Variants in SNRK observed in about 807,000 individuals in gnomAD.
SNRK encodes SNF-related serine/threonine-protein kinase.
SNRK carries 3 observed loss-of-function variants against 48.2 expected under a neutral mutation model. The ratio of observed to expected loss-of-function variants is 0.06; its 90% CI spans 0.03 to 0.16. The LOEUF is 0.16. Among genes scored for constraint, SNRK ranks in the 10% least tolerant of loss-of-function variants. The pLI is 1.00. For synonymous variants in SNRK, 376 were observed against 366.1 expected (o/e 1.03, Z -0.31); for missense variants, 627 against 976.0 (o/e 0.64, Z 4.76).
intron 4 of SNRK, chr3:43,333,352 C>T (rs1195676064): frequency 2.1e-5 from 2 of 93,608 alleles, no homozygotes; most frequent in African/African-American, 4.3e-5. Context: ...GAGCGAGACT[C>T]TGTCTCAAAA....
chr3:43,298,652 G>A (rs1454970868), intron 1 of SNRK, among the ~76,000 whole-genome samples: 2 of 152,168 alleles, frequency 1.3e-5, no homozygotes, highest in African/African-American at 4.8e-5. Context: ...CTCACCATTA[G>A]TGTATAGTGT....
At chr3:43,302,970 T>C in intron 2 of SNRK, 128 bp from the exon 3 acceptor site, 2 of 420,510 alleles carry the variant, frequency 4.8e-6, no homozygotes, top group South Asian at 1.2e-4. Flanking sequence ...TGACCCTGAC[T>C]CATTTTTTAT....
At chr3:43,344,401 C>G (rs182327869) in intron 6 of SNRK, among the ~76,000 whole-genome samples, 147 of 152,274 alleles carry the variant, frequency 9.7e-4, no homozygotes, top group Non-Finnish European at 1.7e-3. Context: ...CTGAGTAAAT[C>G]TGTGTGTACC....
At chr3:43,321,705 C>T (rs186199473) in intron 3 of SNRK, among the ~76,000 whole-genome samples, 5 of 152,296 alleles carry the variant, frequency 3.3e-5, no homozygotes, top group African/African-American at 7.2e-5. Flanking sequence ...TTAAAAAACA[C>T]GGTGTGCGCC....
chr3:43,313,344 A>G (rs1007537001), intron 3 of SNRK, among the ~76,000 whole-genome samples: 2 of 152,226 alleles, frequency 1.3e-5, no homozygotes, highest in African/African-American at 4.8e-5. Flanking sequence ...TAATTGTTAT[A>G]CTGTGGTGTA....
chr3:43,318,036 C>A (rs901507655), intron 3 of SNRK, among the ~76,000 whole-genome samples: 1 of 152,174 alleles, frequency 6.6e-6, no homozygotes, highest in Non-Finnish European at 1.5e-5. Context: ...CTTTATGTTT[C>A]TATGGTGTTG....
intron 1 of SNRK, among the ~76,000 whole-genome samples, chr3:43,292,531 A>AGTAGGTATTCTTCAGAATCAGCT (rs1409346705): frequency 1.3e-5 from 2 of 152,242 alleles, no homozygotes; most frequent in Non-Finnish European, 2.9e-5. Context: ...ATGATGAGCC[A>AGTAGGTATTCTTCAGAATCAGCT]GTAGGTATTC....
At chr3:43,321,489 T>C (rs770906395) in intron 3 of SNRK, among the ~76,000 whole-genome samples, 2 of 152,152 alleles carry the variant, frequency 1.3e-5, no homozygotes, top group Admixed American at 6.5e-5. Context: ...CCTAAGTGCA[T>C]GTACAAAGCT....
intron 5 of SNRK, chr3:43,340,761 G>A: frequency 2.1e-6 from 1 of 467,752 alleles, no homozygotes; most frequent in South Asian, 2.5e-5. Context: ...TTCTATAGGG[G>A]TGGAATGAAA....
At chr3:43,336,400 T>C (rs2091189040) in intron 4 of SNRK, among the ~76,000 whole-genome samples, 3 of 152,100 alleles carry the variant, frequency 2.0e-5, no homozygotes, top group Admixed American at 6.6e-5. Context: ...AAATCATACA[T>C]AGCTCACTGC....
intron 4 of SNRK, among the ~76,000 whole-genome samples, chr3:43,337,833 A>G (rs191289817): frequency 1.3e-5 from 2 of 152,298 alleles, no homozygotes; most frequent in Admixed American, 1.3e-4. Flanking sequence ...AACTGCCCCC[A>G]TGATTCATTT....
chr3:43,296,576 TTCAACTCC>T (rs2090857611), intron 1 of SNRK, among the ~76,000 whole-genome samples: 1 of 152,034 alleles, frequency 6.6e-6, no homozygotes, highest in South Asian at 2.1e-4. Context: ...GCCCTTTTTG[TTCAACTCC>T]TCTACTTTCT....
chr3:43,325,841 A>G (rs2091093089), intron 3 of SNRK, among the ~76,000 whole-genome samples: 1 of 151,810 alleles, frequency 6.6e-6, no homozygotes, highest in Non-Finnish European at 1.5e-5. Context: ...CCATATTGAA[A>G]CTCAGCTAAG....
At chr3:43,343,310 T>C (rs1244345327) in intron 5 of SNRK, 34 bp from the exon 6 acceptor site, 6 of 1,559,520 alleles carry the variant, frequency 3.8e-6, no homozygotes, top group East Asian at 2.3e-5. Context: ...CCTCCTGATA[T>C]GGCTGACGTT....
chr3:43,314,402 A>G (rs1160467552), intron 3 of SNRK, among the ~76,000 whole-genome samples: 3 of 152,238 alleles, frequency 2.0e-5, no homozygotes, highest in African/African-American at 7.2e-5. Context: ...TTAATAAAAT[A>G]TAAATTGAGA....
chr3:43,310,181 TTATTTA>T (rs139710356), intron 3 of SNRK, among the ~76,000 whole-genome samples: 3,793 of 152,196 alleles, frequency 0.025, 159 homozygotes, highest in African/African-American at 0.084. Flanking sequence ...TGGATTTAAT[TTATTTA>T]TATTTATTAT....
Position 43,332,261 on chromosome 3 carries a change from A to G in SNRK, c.682A>G (p.Met228Val). The G allele has an allele frequency of 1.3e-6, 2 of 1,599,412 alleles. No homozygotes were observed. The highest frequency in any genetic ancestry group is 1.7e-4 in the Middle Eastern group (1 of 6,030). ...TGACAGTGAAACACTGACAATGATC[A>G]TGGATTGCAAATATACAGTACCATC... Reference protein sequence around the residue: ...ANDSETLTMIMDCKYTVPSHV... With the variant: ...ANDSETLTMIVDCKYTVPSHV... Residue 228 changes from methionine (M) to valine (V), a missense_variant, in exon 4 of 7, where the codon ATG becomes GTG. Physicochemically the swap from Met to Val is conservative, Grantham distance 21 (BLOSUM62 1). Transcript: ENST00000296088.
At chr3:43,336,041 C>T (rs2091185315) in intron 4 of SNRK, among the ~76,000 whole-genome samples, 1 of 151,974 alleles carries the variant, frequency 6.6e-6, no homozygotes, top group South Asian at 2.1e-4. Flanking sequence ...ATTCCATTTA[C>T]ATTTATTGTA....
rs904899125 is a variant in SNRK at position 43,349,045 on chromosome 3, C to T, written c.*488C>T. 3.9e-5 allele frequency: 6 copies of T among 153,358 alleles called. No homozygotes were observed. The highest frequency in any genetic ancestry group is 1.4e-4 in the African/African-American group (6 of 41,462). The allele number at this position is 153,358 out of a possible 1,614,324, so 9.5% of individuals were successfully genotyped here. A position where few individuals can be genotyped will look rare whatever the true frequency, so the allele number is the denominator to read the frequency against. ...CTGGAGCCAGCTAGCGACCTTGTGC[C>T]GCCCAGCTGTCCATGGCCCGTGCAG... On this transcript the variant is annotated 3_prime_UTR_variant, in exon 7 of 7. Transcript: ENST00000296088.
Sources: allele counts gnomAD v4.1 joint callset (sites outside exome capture counted in the v4.1 genomes callset), GRCh38; gene constraint gnomAD v4.1.1; transcripts MANE v1.5; gene names NCBI Gene and HGNC (gene_info 2026-07-23, HGNC 2026-07-21).